Variants in PDE4B observed in about 807,000 individuals in gnomAD.
The protein encoded by PDE4B is 3',5'-cyclic-AMP phosphodiesterase 4B.
PDE4B carries 20 observed loss-of-function variants against 82.2 expected under a neutral mutation model. That is an observed-to-expected ratio of 0.24 (90% CI 0.17 to 0.35). PDE4B has a LOEUF of 0.35. Ranked by LOEUF, PDE4B falls within the 10% of genes least tolerant of loss-of-function variation. The pLI, the probability that PDE4B is intolerant of heterozygous loss-of-function variation, is 1.00. For missense variants in PDE4B, 655 were observed against 907.2 expected, an observed-to-expected ratio of 0.72 and a Z score of 3.57; for synonymous variants, 320 against 318.9, an observed-to-expected ratio of 1.00 and a Z score of -0.04.
chr1:66,369,193 T>A (rs1201984976), intron 16 of PDE4B, among the ~76,000 whole-genome samples: 2 of 152,230 alleles, frequency 1.3e-5, no homozygotes, highest in Non-Finnish European at 2.9e-5. Context: ...AAATTTGGAC[T>A]ATGTGTCCCT....
chr1:66,213,787 T>C (rs564845971), intron 3 of PDE4B, among the ~76,000 whole-genome samples: 6 of 152,202 alleles, frequency 3.9e-5, no homozygotes, highest in Non-Finnish European at 4.4e-5. Context: ...ATAGATTTAG[T>C]GCTCTACTTT....
intron 3 of PDE4B, among the ~76,000 whole-genome samples, chr1:66,216,448 T>C (rs1019285444): frequency 1.8e-4 from 27 of 152,256 alleles, no homozygotes; most frequent in South Asian, 1.0e-3. Flanking sequence ...ACAGTTTTGT[T>C]ATAAAGAGGT....
chr1:66,177,053 C>G (rs142310011), intron 3 of PDE4B, among the ~76,000 whole-genome samples: 3 of 152,096 alleles, frequency 2.0e-5, no homozygotes, highest in African/African-American at 4.8e-5. Context: ...CATGAGGTCC[C>G]GAGGAGAGCT....
chr1:66,341,048 A>G (rs1045675261), intron 8 of PDE4B, among the ~76,000 whole-genome samples: 1 of 152,216 alleles, frequency 6.6e-6, no homozygotes, highest in African/African-American at 2.4e-5. Flanking sequence ...ACAAAGTCCT[A>G]GAACTTTAAG....
chr1:66,265,994 G>T (rs1185430919), intron 6 of PDE4B, 44 bp from the exon 7 acceptor site: 2 of 1,526,066 alleles, frequency 1.3e-6, no homozygotes. Context: ...GGAATGGGCA[G>T]TTTTGATACA....
intron 1 of PDE4B, among the ~76,000 whole-genome samples, chr1:65,867,187 T>G (rs764987503): frequency 6.6e-6 from 1 of 152,156 alleles, no homozygotes; most frequent in Non-Finnish European, 1.5e-5. Context: ...TAATAAAAAT[T>G]TTAAAAGCCC....
intron 3 of PDE4B, among the ~76,000 whole-genome samples, chr1:66,188,189 G>A (rs1424751142): frequency 1.3e-5 from 2 of 151,912 alleles, no homozygotes; most frequent in East Asian, 3.9e-4. Context: ...ATTGCACTGT[G>A]GTCTGAGAGA....
chr1:65,793,557 T>C (rs1008134831), intron 1 of PDE4B, among the ~76,000 whole-genome samples: 14 of 152,132 alleles, frequency 9.2e-5, no homozygotes. Flanking sequence ...GCAGAAGGAT[T>C]CAGGGCTTGG....
At chr1:66,182,584 T>C (rs1647092334) in intron 3 of PDE4B, among the ~76,000 whole-genome samples, 1 of 152,160 alleles carries the variant, frequency 6.6e-6, no homozygotes, top group African/African-American at 2.4e-5. Flanking sequence ...TTTGATTTGG[T>C]GCTGAGCCAG....
intron 2 of PDE4B, among the ~76,000 whole-genome samples, chr1:65,914,796 G>A (rs1647140784): frequency 6.6e-6 from 1 of 152,142 alleles, no homozygotes; most frequent in African/African-American, 2.4e-5. Flanking sequence ...GTCAAAAGAA[G>A]AGGAAGGTTG....
At chr1:66,208,387 G>A (rs921964975) in intron 3 of PDE4B, among the ~76,000 whole-genome samples, 8 of 152,160 alleles carry the variant, frequency 5.3e-5, no homozygotes, top group East Asian at 1.9e-4. Context: ...CATGATTTAC[G>A]TAGCACATAC....
chr1:66,241,467 A>G (rs891617442), intron 3 of PDE4B, among the ~76,000 whole-genome samples: 1 of 152,204 alleles, frequency 6.6e-6, no homozygotes, highest in Non-Finnish European at 1.5e-5. Flanking sequence ...TGTTTTTATT[A>G]AAATGATAGA....
rs548237933 is a variant in PDE4B, at chr1:66,142,064, GA to G, written c.282-105392del. On this transcript the variant is annotated intron_variant, in intron 3 of 16. Coordinates refer to ENST00000341517, the MANE Select transcript of PDE4B (RefSeq NM_002600.4). ...TATTCTTACAATAAACTAGATTAAA[GA>G]AAATGTTATTAAGAAAATCACAAGG... Among the ~76,000 whole-genome samples the G allele has an allele frequency of 1.7e-3, 257 of 152,138 alleles. 1 individual carries two copies. Among genetic ancestry groups the G allele is most frequent in the African/African-American group, 5.9e-3 (243 of 41,510 alleles).
chr1:66,137,717 G>A (rs757498275), intron 3 of PDE4B, among the ~76,000 whole-genome samples: 2 of 152,048 alleles, frequency 1.3e-5, no homozygotes, highest in African/African-American at 4.8e-5. Context: ...CATCTTTATC[G>A]GCCCATCAAA....
At chr1:66,026,127 T>G (rs983068724) in intron 3 of PDE4B, among the ~76,000 whole-genome samples, 1 of 152,196 alleles carries the variant, frequency 6.6e-6, no homozygotes, top group Non-Finnish European at 1.5e-5. Context: ...ACATACAAGT[T>G]CAGTTTTTCA....
At chr1:65,871,344 T>C (rs781469026) in intron 1 of PDE4B, among the ~76,000 whole-genome samples, 4 of 152,206 alleles carry the variant, frequency 2.6e-5, no homozygotes, top group Admixed American at 2.0e-4. Flanking sequence ...AGTTCCTTTT[T>C]CTCTAATCTG....
At chr1:66,121,411 C>G (rs114704073) in intron 3 of PDE4B, among the ~76,000 whole-genome samples, 1 of 152,056 alleles carries the variant, frequency 6.6e-6, no homozygotes, top group Non-Finnish European at 1.5e-5. Flanking sequence ...TAAGGGAAAT[C>G]GTGGGAAATG....
At chr1:66,175,724 G>T (rs182198474) in intron 3 of PDE4B, among the ~76,000 whole-genome samples, 1 of 152,282 alleles carries the variant, frequency 6.6e-6, no homozygotes, top group African/African-American at 2.4e-5. Context: ...TTTGAAGAAT[G>T]ACATTACTTC....
chr1:66,328,101 G>T (rs899331272), intron 7 of PDE4B, among the ~76,000 whole-genome samples: 1 of 152,160 alleles, frequency 6.6e-6, no homozygotes, highest in Non-Finnish European at 1.5e-5. Flanking sequence ...TTTGAGAAAA[G>T]AGCTATTTGA....
Sources: allele counts gnomAD v4.1 joint callset (sites outside exome capture counted in the v4.1 genomes callset), GRCh38; gene constraint gnomAD v4.1.1; transcripts MANE v1.5; gene names NCBI Gene and HGNC (gene_info 2026-07-23, HGNC 2026-07-21).